Variants in THRB observed in about 807,000 individuals in gnomAD.
The protein encoded by THRB is thyroid hormone receptor beta.
In THRB, 12 loss-of-function variants were observed where a neutral mutation model predicts 47.8. The ratio of observed to expected loss-of-function variants is 0.25; its 90% confidence interval spans 0.16 to 0.41. The LOEUF is 0.41. THRB is among the 10% of genes least tolerant of loss of function. The pLI, the probability that THRB is intolerant of heterozygous loss-of-function variation, is 1.00. For synonymous variants in THRB, 218 were observed against 212.2 expected, an observed-to-expected ratio of 1.03 and a Z score of -0.24; for missense variants, 348 against 589.2, an observed-to-expected ratio of 0.59 and a Z score of 4.24.
At chr3:24,433,798 T>C (rs1209498963) in intron 1 of THRB, among the ~76,000 whole-genome samples, 1 of 152,138 alleles carries the variant, frequency 6.6e-6, no homozygotes, top group African/African-American at 2.4e-5. Flanking sequence ...CCCTCAGTTA[T>C]TTCCCTCATA....
At chr3:24,191,748 A>G (rs1300544657) in intron 4 of THRB, among the ~76,000 whole-genome samples, 2 of 152,348 alleles carry the variant, frequency 1.3e-5, no homozygotes, top group South Asian at 2.1e-4. Flanking sequence ...TCATATTACT[A>G]TGAGAAAATG....
At chr3:24,281,488 A>G (rs1223049454) in intron 3 of THRB, among the ~76,000 whole-genome samples, 2 of 152,172 alleles carry the variant, frequency 1.3e-5, no homozygotes, top group Admixed American at 6.5e-5. Flanking sequence ...TCATGCCAAA[A>G]TGTAAAGACC....
chr3:24,189,993 T>A (rs1488847982), intron 5 of THRB, 81 bp downstream of exon 5: 1 of 1,369,934 alleles, frequency 7.3e-7, no homozygotes, highest in Non-Finnish European at 1.0e-6. Context: ...AAGAGAAATG[T>A]AGATGAAGTA....
rs1296994227 is a variant in THRB, at chr3:24,123,082, T to C, written c.1188A>G (p.Gln396=). 3 of 1,614,194 alleles carry C rather than the reference T, an allele frequency of 1.9e-6. No individual in the cohort carries two copies. The highest frequency in any genetic ancestry group is 1.7e-6 in the Non-Finnish European group (2 of 1,180,038). Residue 396 remains glutamine (Q), a synonymous_variant, in exon 11 of 11, where the codon CAA becomes CAG. Coordinates refer to ENST00000646209, the MANE Select transcript of THRB (RefSeq NM_001354712.2). ...LACVERIEKY[Q]DSFLLAFEHY... is the part of the protein sequence containing the mutation. ...GTTCAAAGGCCAGCAGGAAACTATCTTGGTACTTTTCTATTCTCTCAACAC... is the reference window on the plus strand; with the variant it reads ...GTTCAAAGGCCAGCAGGAAACTATCCTGGTACTTTTCTATTCTCTCAACAC...
chr3:24,166,715 C>T (rs1052998662), intron 5 of THRB, among the ~76,000 whole-genome samples: 3 of 152,134 alleles, frequency 2.0e-5, no homozygotes, highest in African/African-American at 4.8e-5. Context: ...TTTCAGGGCT[C>T]GGCCTCAGGT....
At chr3:24,205,544 A>T in intron 4 of THRB, among the ~76,000 whole-genome samples, 1 of 152,242 alleles carries the variant, frequency 6.6e-6, no homozygotes, top group African/African-American at 2.4e-5. Flanking sequence ...CACTGCAAAA[A>T]CATGCCAAAT....
At chr3:24,359,332 C>A (rs1180572102) in intron 1 of THRB, among the ~76,000 whole-genome samples, 1 of 152,234 alleles carries the variant, frequency 6.6e-6, no homozygotes, top group Non-Finnish European at 1.5e-5. Flanking sequence ...TCCAGCATGG[C>A]AGCTTCAGGG....
At chr3:24,275,812 G>C (rs1381564527) in intron 3 of THRB, among the ~76,000 whole-genome samples, 1 of 152,136 alleles carries the variant, frequency 6.6e-6, no homozygotes, top group Non-Finnish European at 1.5e-5. Flanking sequence ...AACGCTACAT[G>C]AAAGACTGGG....
At chr3:24,285,640 A>G (rs2360957) in intron 3 of THRB, among the ~76,000 whole-genome samples, 116,155 of 151,678 alleles carry the variant, frequency 0.77, 45,493 homozygotes, top group African/African-American at 0.93. Flanking sequence ...TTTTCTCCCA[A>G]GAATACTGGC....
intron 1 of THRB, among the ~76,000 whole-genome samples, chr3:24,385,871 TCAACTC>T (rs2066060183): frequency 6.6e-6 from 1 of 152,114 alleles, no homozygotes; most frequent in Non-Finnish European, 1.5e-5. Flanking sequence ...ATCTTAAATA[TCAACTC>T]CTACCCTAAA....
intron 9 of THRB, among the ~76,000 whole-genome samples, chr3:24,132,389 T>C (rs1241061289): frequency 6.6e-6 from 1 of 152,142 alleles, no homozygotes; most frequent in Non-Finnish European, 1.5e-5. Flanking sequence ...ATGTAACAGA[T>C]AAAATAAAAG....
At chr3:24,404,521 T>C (rs1488561634) in intron 1 of THRB, among the ~76,000 whole-genome samples, 1 of 151,850 alleles carries the variant, frequency 6.6e-6, no homozygotes, top group African/African-American at 2.4e-5. Flanking sequence ...AGAATAGATA[T>C]GAGAATTCAG....
rs1421247339 is a variant in THRB at position 24,122,207 on chromosome 3, T to C, written c.*677A>G. 6.5e-6 allele frequency: 1 copy of C among 152,984 alleles called. No homozygotes were observed. Among genetic ancestry groups the C allele is most frequent in the Non-Finnish European group, 1.5e-5 (1 of 68,330 alleles). 9.5% of individuals were successfully genotyped at this position (152,984 alleles called of 1,614,324 possible). A position where few individuals can be genotyped will look rare whatever the true frequency, so the allele number is the denominator to read the frequency against. On this transcript the variant is annotated 3_prime_UTR_variant, in exon 11 of 11. Coordinates refer to ENST00000646209, the MANE Select transcript of THRB (RefSeq NM_001354712.2). ...CTGGGCTCACTGAAAAAAAATATTT[T>C]CCTTGTTGGCCTCCATCAGTCAATA...
At chr3:24,331,211 G>A (rs2061906723) in intron 2 of THRB, among the ~76,000 whole-genome samples, 1 of 151,852 alleles carries the variant, frequency 6.6e-6, no homozygotes, top group African/African-American at 2.4e-5. Flanking sequence ...GAGCCTATAC[G>A]TTTATGAAAA....
rs2072822643 is a variant in THRB at position 24,453,042 on chromosome 3, C to A, written c.-261+41610G>T. Among the ~76,000 whole-genome samples the A allele has an allele frequency of 2.6e-5, 4 of 152,076 alleles. No homozygotes were observed. The South Asian group carries it at 6.2e-4, about 24-fold the overall frequency. ...AAGATTCTTGACCTTCCTCTCAAAC[C>A]CTTATTCTCCCCAGTTTCCTCCATC... On this transcript the variant is annotated intron_variant, in intron 1 of 10. Coordinates refer to ENST00000646209, the MANE Select transcript of THRB (RefSeq NM_001354712.2).
At chr3:24,164,651 T>C (rs1437991578) in intron 5 of THRB, among the ~76,000 whole-genome samples, 2 of 152,188 alleles carry the variant, frequency 1.3e-5, no homozygotes, top group African/African-American at 4.8e-5. Context: ...AAATGAGTTT[T>C]TAATCTGAAC....
chr3:24,250,688 G>A (rs2050577638), intron 3 of THRB, among the ~76,000 whole-genome samples: 2 of 152,132 alleles, frequency 1.3e-5, no homozygotes, highest in African/African-American at 4.8e-5. Context: ...GCAACAGAGT[G>A]AGATCCTGTC....
chr3:24,458,939 A>G (rs894985727), intron 1 of THRB: 1 of 150,864 alleles, frequency 6.6e-6, no homozygotes, highest in African/African-American at 2.4e-5. Flanking sequence ...TTATGTATTT[A>G]TTATTTATTT....
intron 8 of THRB, among the ~76,000 whole-genome samples, chr3:24,134,097 G>C (rs996733772): frequency 2.0e-5 from 3 of 152,140 alleles, no homozygotes; most frequent in African/African-American, 7.2e-5. Flanking sequence ...ATGTCCCTAG[G>C]GCAGTTCTCT....
Sources: allele counts gnomAD v4.1 joint callset (sites outside exome capture counted in the v4.1 genomes callset), GRCh38; gene constraint gnomAD v4.1.1; transcripts MANE v1.5; gene names NCBI Gene and HGNC (gene_info 2026-07-23, HGNC 2026-07-21).